IMMP2L: variants seen among roughly 807,000 people sequenced by gnomAD.
IMMP2L encodes inner mitochondrial membrane peptidase subunit 2.
In IMMP2L, 18 loss-of-function variants were observed where a neutral mutation model predicts 19.3. The observed-to-expected ratio is 0.93, with a 90% CI of 0.64 to 1.38. IMMP2L has a LOEUF of 1.38. IMMP2L is among the 40% of genes most tolerant of loss of function. The probability of loss-of-function intolerance (pLI) is 0.00; values close to 1 mark genes in which losing one functional copy is unlikely to be tolerated. For missense variants in IMMP2L, 233 were observed against 218.2 expected (o/e 1.07, Z -0.43); for synonymous variants, 76 against 73.0 (o/e 1.04, Z -0.21).
At chr7:111,507,074 C>G (rs530132941) in intron 2 of IMMP2L, among the ~76,000 whole-genome samples, 6 of 151,966 alleles carry the variant, frequency 3.9e-5, no homozygotes, top group Non-Finnish European at 2.9e-5. Context: ...CTCCTGGGCT[C>G]AAGTTATCTT....
intron 4 of IMMP2L, among the ~76,000 whole-genome samples, chr7:110,961,494 C>T (rs1487166492): frequency 6.7e-6 from 1 of 149,540 alleles, no homozygotes; most frequent in Non-Finnish European, 1.5e-5. Flanking sequence ...TGAATATTTT[C>T]CACCTTCAGT....
chr7:111,243,170 C>A (rs1815349949), intron 3 of IMMP2L, among the ~76,000 whole-genome samples: 1 of 152,002 alleles, frequency 6.6e-6, no homozygotes. Flanking sequence ...CATGACGTTG[C>A]CTTGCTCACC....
At chr7:110,960,405 G>T (rs555012729) in intron 4 of IMMP2L, among the ~76,000 whole-genome samples, 2 of 151,754 alleles carry the variant, frequency 1.3e-5, no homozygotes, top group African/African-American at 4.8e-5. Flanking sequence ...ATCTATTTCT[G>T]TTTCTAGGAA....
At chr7:110,670,035 T>C (rs2130319770) in intron 5 of IMMP2L, among the ~76,000 whole-genome samples, 1 of 152,332 alleles carries the variant, frequency 6.6e-6, no homozygotes, top group East Asian at 1.9e-4. Context: ...TGTTGAAGTC[T>C]TAACTCCTAA....
intron 3 of IMMP2L, among the ~76,000 whole-genome samples, chr7:111,216,575 T>G (rs1811945467): frequency 6.6e-6 from 1 of 152,108 alleles, no homozygotes; most frequent in Admixed American, 6.5e-5. Flanking sequence ...AATTTTAAAA[T>G]GTACAGTACT....
intron 3 of IMMP2L, among the ~76,000 whole-genome samples, chr7:111,477,061 T>C (rs943700160): frequency 6.6e-6 from 1 of 152,214 alleles, no homozygotes; most frequent in Admixed American, 6.5e-5. Context: ...GTTCTAATTA[T>C]TACATTTAGC....
chr7:110,939,518 T>A (rs1816503010), intron 4 of IMMP2L, among the ~76,000 whole-genome samples: 1 of 152,126 alleles, frequency 6.6e-6, no homozygotes, highest in Admixed American at 6.6e-5. Flanking sequence ...CTTCACAATT[T>A]CCTGGGTCAC....
intron 3 of IMMP2L, among the ~76,000 whole-genome samples, chr7:110,986,950 A>G (rs1247284391): frequency 1.3e-5 from 2 of 152,150 alleles, no homozygotes; most frequent in African/African-American, 4.8e-5. Context: ...GAGGTAAGAT[A>G]AAGTCCTATA....
chr7:110,813,645 C>T (rs1584907619), intron 5 of IMMP2L, among the ~76,000 whole-genome samples: 1 of 151,030 alleles, frequency 6.6e-6, no homozygotes, highest in African/African-American at 2.4e-5. Flanking sequence ...AGTCAGGCTA[C>T]CAGAGGGAAT....
chr7:111,207,004 AC>A (rs1296684333), intron 3 of IMMP2L, among the ~76,000 whole-genome samples: 1 of 152,200 alleles, frequency 6.6e-6, no homozygotes, highest in Non-Finnish European at 1.5e-5. Flanking sequence ...AATAAGTTTT[AC>A]AAAAAACATT....
At chr7:111,082,881 G>A (rs146104111) in intron 3 of IMMP2L, among the ~76,000 whole-genome samples, 5 of 146,252 alleles carry the variant, frequency 3.4e-5, no homozygotes, top group African/African-American at 5.2e-5. Context: ...AAAATGACAC[G>A]TGTTGCTCTT....
At chr7:111,077,059 G>C (rs1795476810) in intron 3 of IMMP2L, among the ~76,000 whole-genome samples, 1 of 152,194 alleles carries the variant, frequency 6.6e-6, no homozygotes, top group Non-Finnish European at 1.5e-5. Flanking sequence ...TGAAAGGCTG[G>C]CTTGCTGTAT....
chr7:111,341,823 G>A (rs1827037615), intron 3 of IMMP2L, among the ~76,000 whole-genome samples: 1 of 152,100 alleles, frequency 6.6e-6, no homozygotes, highest in African/African-American at 2.4e-5. Context: ...GGTCATGCAG[G>A]CTCCACCTTT....
intron 5 of IMMP2L, among the ~76,000 whole-genome samples, chr7:110,706,735 C>T (rs1584564654): frequency 6.6e-6 from 1 of 152,158 alleles, no homozygotes; most frequent in East Asian, 1.9e-4. Context: ...CTTATAGATT[C>T]TGAATATTAG....
chr7:111,021,598 A>G (rs1355284743), intron 3 of IMMP2L, among the ~76,000 whole-genome samples: 1 of 152,188 alleles, frequency 6.6e-6, no homozygotes. Context: ...AAACCATCAG[A>G]TCATCTGGGC....
At chr7:111,329,525 G>GA (rs1202843805) in intron 3 of IMMP2L, among the ~76,000 whole-genome samples, 1 of 151,794 alleles carries the variant, frequency 6.6e-6, no homozygotes, top group Non-Finnish European at 1.5e-5. Context: ...GAAACAGAAA[G>GA]AAACTCAGCC....
At chr7:110,683,827 G>A (rs1792911431) in intron 5 of IMMP2L, among the ~76,000 whole-genome samples, 1 of 152,032 alleles carries the variant, frequency 6.6e-6, no homozygotes, top group South Asian at 2.1e-4. Context: ...TTGACTCTGT[G>A]ATTTTTTTCT....
intron 5 of IMMP2L, among the ~76,000 whole-genome samples, chr7:110,813,402 T>C (rs944793389): frequency 2.0e-5 from 3 of 151,844 alleles, no homozygotes; most frequent in Non-Finnish European, 2.9e-5. Flanking sequence ...TTAAGAATTA[T>C]TTAAAAACAT....
intron 3 of IMMP2L, among the ~76,000 whole-genome samples, chr7:111,187,116 C>T (rs1478534585): frequency 1.3e-5 from 2 of 151,938 alleles, no homozygotes; most frequent in Non-Finnish European, 2.9e-5. Context: ...TTAATGTTGT[C>T]AAGGACAACT....
Sources: allele counts gnomAD v4.1 joint callset (sites outside exome capture counted in the v4.1 genomes callset), GRCh38; gene constraint gnomAD v4.1.1; transcripts MANE v1.5; gene names NCBI Gene and HGNC (gene_info 2026-07-23, HGNC 2026-07-21).